CATSPERB: variants seen among roughly 807,000 people sequenced by gnomAD.
CATSPERB encodes the protein catsper channel auxiliary subunit beta, also known as cation channel sperm-associated auxiliary subunit beta.
In CATSPERB, 93 loss-of-function variants were observed where a neutral mutation model predicts 128.3. That is an observed-to-expected ratio of 0.72 (90% confidence interval 0.61 to 0.86). The LOEUF is 0.86. Ranked by LOEUF, CATSPERB falls within the 40% of genes least tolerant of loss-of-function variation. The pLI is 0.00. For missense variants in CATSPERB, 1,153 were observed against 1,329.5 expected (o/e 0.87, Z 2.06); for synonymous variants, 381 against 448.8 (o/e 0.85, Z 1.91).
At chr14:91,706,341 C>T (rs1895731496) in intron 6 of CATSPERB, among the ~76,000 whole-genome samples, 1 of 152,190 alleles carries the variant, frequency 6.6e-6, no homozygotes, top group African/African-American at 2.4e-5. Flanking sequence ...TATTTGTTTG[C>T]AGACCATTCA....
At chr14:91,715,818 C>T (rs1295799165) in intron 5 of CATSPERB, among the ~76,000 whole-genome samples, 3 of 151,980 alleles carry the variant, frequency 2.0e-5, no homozygotes, top group Non-Finnish European at 4.4e-5. Flanking sequence ...AGGATACAGT[C>T]CAGAAATAGC....
chr14:91,589,491 T>A, intron 24 of CATSPERB, 43 bp downstream of exon 24: 1 of 1,581,580 alleles, frequency 6.3e-7, no homozygotes, highest in Non-Finnish European at 8.6e-7. Flanking sequence ...AGTAACAATA[T>A]TACTTATCAG....
chr14:91,642,811 A>G lies in CATSPERB; in HGVS notation c.1433-3561T>C, dbSNP rs1410313566. 2.1e-5 allele frequency among the ~76,000 whole-genome samples: 3 copies of G among 143,148 alleles called. No individual in the cohort carries two copies. In the East Asian group the frequency reaches 6.8e-4, roughly 32 times the overall value. The allele number at this position is 143,148 out of a possible 152,430, so 93.9% of individuals were successfully genotyped here. Reference sequence around the variant, plus strand: ...ACCAGTTCTTCCTTGTACCTGTGGTAGAATTCGGCTGTGGATCCATCTGGT... The same window carrying G: ...ACCAGTTCTTCCTTGTACCTGTGGTGGAATTCGGCTGTGGATCCATCTGGT... On this transcript the variant is annotated intron_variant, in intron 15 of 26. Transcript: ENST00000256343.
At chr14:91,637,670 T>C (rs1743126) in intron 16 of CATSPERB, among the ~76,000 whole-genome samples, 140,917 of 152,234 alleles carry the variant, frequency 0.93, 65,326 homozygotes, top group African/African-American at 0.97. Flanking sequence ...AGAGCTCCAA[T>C]ACTGTAATAA....
chr14:91,599,187 G>T (rs1345091059), intron 22 of CATSPERB, among the ~76,000 whole-genome samples: 1 of 152,144 alleles, frequency 6.6e-6, no homozygotes. Flanking sequence ...AAGGTCAGGG[G>T]CATCTCCATT....
chr14:91,656,740 C>T (rs1405476189), intron 15 of CATSPERB, among the ~76,000 whole-genome samples: 1 of 151,904 alleles, frequency 6.6e-6, no homozygotes, highest in Non-Finnish European at 1.5e-5. Context: ...TTTAAAAAGT[C>T]CCAGTGATCT....
chr14:91,628,491 C>T (rs986771346), intron 17 of CATSPERB, among the ~76,000 whole-genome samples: 1 of 152,104 alleles, frequency 6.6e-6, no homozygotes, highest in Non-Finnish European at 1.5e-5. Flanking sequence ...GAATTGTAAT[C>T]CCCACGTGTC....
At chr14:91,719,590 C>A (rs574779815) in intron 4 of CATSPERB, 112 bp from the exon 5 acceptor site, 227 of 675,276 alleles carry the variant, frequency 3.4e-4, no homozygotes, top group African/African-American at 4.3e-4. Context: ...AATGCATATA[C>A]CTTTTACCTA....
At chr14:91,659,247 A>G (rs967358484) in intron 15 of CATSPERB, among the ~76,000 whole-genome samples, 3 of 152,232 alleles carry the variant, frequency 2.0e-5, no homozygotes, top group African/African-American at 7.2e-5. Context: ...ATCACTCTAC[A>G]TTATATGTGT....
At chr14:91,590,817 AT>A (rs1002626896) in intron 23 of CATSPERB, among the ~76,000 whole-genome samples, 1 of 150,690 alleles carries the variant, frequency 6.6e-6, no homozygotes, top group African/African-American at 2.4e-5. Flanking sequence ...CGCCCGGCTA[AT>A]TTTTTTGTAT....
At chr14:91,613,939 C>T (rs1255984956) in intron 20 of CATSPERB, among the ~76,000 whole-genome samples, 1 of 152,152 alleles carries the variant, frequency 6.6e-6, no homozygotes, top group African/African-American at 2.4e-5. Flanking sequence ...AAGTAACACC[C>T]CCTCATGGTC....
rs148205424 is a variant in CATSPERB at position 91,699,303 on chromosome 14, T to C, written c.616+5249A>G. ...ACACTGTTTTTCATAGAGGTTGTAC[T>C]AATTTACATTCCAACCAGCAGTGTA... On this transcript the variant is annotated intron_variant, in intron 7 of 26. Transcript: ENST00000256343. Among the ~76,000 whole-genome samples, 617 of 152,286 alleles carry C rather than the reference T, an allele frequency of 4.1e-3. 3 individuals are homozygous for C. Among genetic ancestry groups the C allele is most frequent in the African/African-American group, 0.013 (553 of 41,556 alleles).
rs373992112 is a variant in CATSPERB at position 91,640,514 on chromosome 14, G to A, written c.1433-1264C>T. On this transcript the variant is annotated intron_variant, in intron 15 of 26. Coordinates refer to ENST00000256343, the MANE Select transcript of CATSPERB (RefSeq NM_024764.4). ...GCAGTGTTTGGTTTTTTGTTCTTGC[G>A]ATAGTTTACTGAGAATGATGATTTC... Among the ~76,000 whole-genome samples the A allele has an allele frequency of 9.0e-5, 10 of 111,014 alleles. No homozygotes were observed. The South Asian group carries it at 1.4e-3, about 15-fold the overall frequency. The allele number at this position is 111,014 out of a possible 152,430, so 72.8% of individuals were successfully genotyped here. A position where few individuals can be genotyped will look rare whatever the true frequency, so the allele number is the denominator to read the frequency against.
At chr14:91,586,123 G>A (rs1595134837) in intron 26 of CATSPERB, among the ~76,000 whole-genome samples, 1 of 152,128 alleles carries the variant, frequency 6.6e-6, no homozygotes, top group South Asian at 2.1e-4. Context: ...GTTTTCTTCA[G>A]GTGTGCCCTG....
intron 17 of CATSPERB, chr14:91,635,756 C>T (rs908089996): frequency 3.9e-5 from 6 of 152,070 alleles, no homozygotes; most frequent in Non-Finnish European, 7.4e-5. Flanking sequence ...GTATATTGTT[C>T]AATGCAATAT....
At chr14:91,603,452 A>T in intron 22 of CATSPERB, 1 of 1,476,114 alleles carries the variant, frequency 6.8e-7, no homozygotes, top group South Asian at 1.1e-5. Flanking sequence ...GTTATACCAG[A>T]TGAGTGGGCA....
chr14:91,638,622 T>G (rs1894426098), intron 16 of CATSPERB, among the ~76,000 whole-genome samples: 1 of 152,100 alleles, frequency 6.6e-6, no homozygotes, highest in South Asian at 2.1e-4. Flanking sequence ...GGGTTTCACC[T>G]TGTTGCCCAG....
In CATSPERB at chr14:91,717,493, C is replaced by T. The variant is rs1055910974; in HGVS notation, c.370+1925G>A. The stretch of plus-strand genomic sequence containing the variant: ...ACCCAGTCATCTCTAAATTTCCATA[C>T]AACTCCATAGGCCTCAGTTAAATCA... On this transcript the variant is annotated intron_variant, in intron 5 of 26. Coordinates refer to ENST00000256343, the MANE Select transcript of CATSPERB (RefSeq NM_024764.4). 2.0e-5 allele frequency among the ~76,000 whole-genome samples: 3 copies of T among 152,312 alleles called. No individual in the cohort carries two copies. The East Asian group carries it at 5.8e-4, about 29-fold the overall frequency.
intron 14 of CATSPERB, among the ~76,000 whole-genome samples, chr14:91,664,407 A>C (rs1483270279): frequency 6.6e-6 from 1 of 151,714 alleles, no homozygotes; most frequent in African/African-American, 2.4e-5. Context: ...CTGGGATTAC[A>C]AGCGCCTGCC....
Sources: allele counts gnomAD v4.1 joint callset (sites outside exome capture counted in the v4.1 genomes callset), GRCh38; gene constraint gnomAD v4.1.1; transcripts MANE v1.5; gene names NCBI Gene and HGNC (gene_info 2026-07-23, HGNC 2026-07-21).